COG5: variants seen among roughly 807,000 people sequenced by gnomAD.
COG5 encodes component of oligomeric golgi complex 5, also known as conserved oligomeric Golgi complex subunit 5.
COG5 carries 86 observed loss-of-function variants against 110.4 expected under a neutral mutation model. That is an observed-to-expected ratio of 0.78 (90% confidence interval 0.65 to 0.93). COG5 has a LOEUF of 0.93. Among genes scored for constraint, COG5 ranks in the 40% least tolerant of loss-of-function variants. The probability of loss-of-function intolerance (pLI) is 0.00; values close to 1 mark genes in which losing one functional copy is unlikely to be tolerated. For synonymous variants in COG5, 360 were observed against 334.6 expected (o/e 1.08, Z -0.83); for missense variants, 1,077 against 987.0 (o/e 1.09, Z -1.22).
chr7:107,254,037 T>G (rs1471462042), intron 16 of COG5, among the ~76,000 whole-genome samples: 3 of 152,172 alleles, frequency 2.0e-5, no homozygotes, highest in African/African-American at 7.2e-5. Context: ...AGGACTTTAT[T>G]TGTGACTTTC....
chr7:107,323,434 G>A (rs1166540871), intron 11 of COG5, among the ~76,000 whole-genome samples: 1 of 152,178 alleles, frequency 6.6e-6, no homozygotes, highest in Non-Finnish European at 1.5e-5. Flanking sequence ...GGGAGGCTGA[G>A]GCAGGAGAAT....
Position 107,298,178 on chromosome 7 carries a change from G to T in COG5, c.1277C>A (p.Ala426Glu). 6.2e-7 allele frequency: 1 copy of T among 1,611,914 alleles called. No individual in the cohort carries two copies. Residue 426 changes from alanine (A) to glutamate (E), a missense_variant, in exon 12 of 22, where the codon GCA (alanine) becomes GAA (glutamate). Ala to Glu is a moderately radical substitution (Grantham distance 107). Transcript: ENST00000297135. ...CTTTTTTGGTATGAATATATCTTGTGCATCATCTTCCATGTGTTGTAGGTC... is the reference window on the plus strand; with the variant it reads ...CTTTTTTGGTATGAATATATCTTGTTCATCATCTTCCATGTGTTGTAGGTC... ...YVDLQHMEDD[A>E]QDIFIPKKPD... is the part of the protein sequence containing the mutation.
At chr7:107,511,912 A>G (rs1211075492) in intron 6 of COG5, among the ~76,000 whole-genome samples, 2 of 152,230 alleles carry the variant, frequency 1.3e-5, no homozygotes, top group Admixed American at 6.5e-5. Context: ...AATAAGAGCT[A>G]TCTATGACAC....
intron 11 of COG5, among the ~76,000 whole-genome samples, chr7:107,315,402 C>T (rs1184164964): frequency 6.6e-6 from 1 of 152,044 alleles, no homozygotes; most frequent in Non-Finnish European, 1.5e-5. Context: ...AGCACTCTAA[C>T]TTGTATGAAC....
intron 7 of COG5, among the ~76,000 whole-genome samples, chr7:107,395,281 A>G (rs1026872172): frequency 5.9e-5 from 9 of 152,094 alleles, no homozygotes; most frequent in Admixed American, 5.9e-4. Context: ...GGAGAAAGAG[A>G]GGGAGAATGA....
At position 107,474,973 on chromosome 7, in the gene COG5, C is replaced by T; in HGVS notation, c.538+52264G>A. The T allele has an allele frequency of 6.2e-7, 1 of 1,612,190 alleles. No individual in the cohort carries two copies. Among genetic ancestry groups the T allele is most frequent in the Non-Finnish European group, 8.5e-7 (1 of 1,179,152 alleles). ...AGCTGTGAAACGACACCGTGAACGA[C>T]GAGAAAGACAAAAGAGAGTCTTCAG... On this transcript the variant is annotated intron_variant, in intron 6 of 21. Coordinates refer to ENST00000297135, the MANE Select transcript of COG5 (RefSeq NM_006348.5). The surrounding 1 kb of genome is among the most constrained non-coding windows in gnomAD (Gnocchi z 5.7).
chr7:107,212,905 G>A (rs1799278908), intron 19 of COG5, among the ~76,000 whole-genome samples: 1 of 152,140 alleles, frequency 6.6e-6, no homozygotes, highest in African/African-American at 2.4e-5. Flanking sequence ...CTAAGCCCAC[G>A]TTTTCTACAG....
At chr7:107,423,811 A>G (rs1793456217) in intron 6 of COG5, among the ~76,000 whole-genome samples, 1 of 152,160 alleles carries the variant, frequency 6.6e-6, no homozygotes, top group African/African-American at 2.4e-5. Context: ...GAAGATACAC[A>G]CTGATAATTT....
intron 7 of COG5, among the ~76,000 whole-genome samples, chr7:107,403,096 A>C (rs544494073): frequency 2.0e-5 from 3 of 152,348 alleles, no homozygotes; most frequent in East Asian, 3.9e-4. Context: ...CTAGGAAAAA[A>C]TAGTGATGAA....
intron 10 of COG5, among the ~76,000 whole-genome samples, chr7:107,348,641 G>A (rs1045862839): frequency 6.6e-6 from 1 of 151,938 alleles, no homozygotes. Context: ...AAAATATGCA[G>A]GAATAGCCCC....
intron 21 of COG5, among the ~76,000 whole-genome samples, chr7:107,206,710 C>T (rs1391185541): frequency 6.6e-6 from 1 of 151,852 alleles, no homozygotes; most frequent in Non-Finnish European, 1.5e-5. Context: ...AAGGATAAGA[C>T]ATCACGTAAG....
chr7:107,422,358 T>C (rs972168552), intron 6 of COG5, among the ~76,000 whole-genome samples: 33 of 150,946 alleles, frequency 2.2e-4, no homozygotes, highest in African/African-American at 7.8e-4. Context: ...ACCCTGTCTC[T>C]ACTACTAAAA....
intron 21 of COG5, chr7:107,208,406 G>A (rs548188960): frequency 3.0e-6 from 3 of 985,320 alleles, no homozygotes; most frequent in Non-Finnish European, 2.4e-6. Flanking sequence ...CAGGACAACT[G>A]TTTTGGATGA....
chr7:107,250,543 A>T (rs962782819), intron 16 of COG5, among the ~76,000 whole-genome samples: 2 of 152,236 alleles, frequency 1.3e-5, no homozygotes, highest in African/African-American at 2.4e-5. Flanking sequence ...AAATTTTATC[A>T]ATTCTCAGGG....
At chr7:107,467,700 T>C (rs1327664578) in intron 6 of COG5, among the ~76,000 whole-genome samples, 6 of 151,946 alleles carry the variant, frequency 3.9e-5, no homozygotes, top group Non-Finnish European at 8.8e-5. Flanking sequence ...TCTCAATCAG[T>C]AGTTGAGATA....
intron 10 of COG5, among the ~76,000 whole-genome samples, chr7:107,348,802 C>A (rs1307890369): frequency 6.6e-6 from 1 of 151,974 alleles, no homozygotes; most frequent in Non-Finnish European, 1.5e-5. Context: ...ATTAAGTGAT[C>A]TCCTAGGAAT....
intron 3 of COG5, among the ~76,000 whole-genome samples, chr7:107,553,603 T>C (rs762359759): frequency 1.1e-4 from 16 of 152,212 alleles, no homozygotes; most frequent in African/African-American, 3.1e-4. Flanking sequence ...TAAAACACAA[T>C]AGTAACATTT....
intron 7 of COG5, among the ~76,000 whole-genome samples, chr7:107,410,843 C>A (rs1014945212): frequency 6.6e-6 from 1 of 152,106 alleles, no homozygotes; most frequent in African/African-American, 2.4e-5. Context: ...AAGGAAGAGA[C>A]ACTGGAGACT....
chr7:107,384,772 A>G (rs1815432401), intron 7 of COG5, among the ~76,000 whole-genome samples: 1 of 152,170 alleles, frequency 6.6e-6, no homozygotes, highest in African/African-American at 2.4e-5. Flanking sequence ...TGTAAGCAAG[A>G]AGCAGAGCCC....
Sources: allele counts gnomAD v4.1 joint callset (sites outside exome capture counted in the v4.1 genomes callset), GRCh38; gene constraint gnomAD v4.1.1; non-coding constraint Gnocchi (gnomAD v3.1); transcripts MANE v1.5; gene names NCBI Gene and HGNC (gene_info 2026-07-23, HGNC 2026-07-21).